SATL1: variants seen among roughly 807,000 people sequenced by gnomAD.
SATL1 encodes the protein spermidine/spermine N(1)-acetyltransferase-like protein 1.
A neutral mutation model predicts 51.8 loss-of-function variants in SATL1; 47 were observed. The observed-to-expected ratio is 0.91, with a 90% CI of 0.72 to 1.16. SATL1 has a LOEUF of 1.16. Ranked by LOEUF, SATL1 falls within the 50% of genes most tolerant of loss-of-function variation. The pLI, the probability that SATL1 is intolerant of heterozygous loss-of-function variation, is 0.00. For synonymous variants in SATL1, 176 were observed against 182.4 expected (o/e 0.97, Z 0.28); for missense variants, 520 against 526.4 (o/e 0.99, Z 0.12).
At chrX:85,129,097 C>T (rs1001912157) in intron 2 of SATL1, among the ~76,000 whole-genome samples, 33 of 111,604 alleles carry the variant, frequency 3.0e-4, no homozygotes, top group African/African-American at 9.8e-4. Context: ...TCCAGCTTTG[C>T]TCTTTTGGCT....
chrX:85,111,876 A>G (rs1339788406), intron 2 of SATL1, among the ~76,000 whole-genome samples: 1 of 111,776 alleles, frequency 8.9e-6, no homozygotes, highest in African/African-American at 3.2e-5. Flanking sequence ...TAAAATCCAG[A>G]CACTTTTAGT....
intron 2 of SATL1, among the ~76,000 whole-genome samples, chrX:85,135,321 G>A (rs180920310): frequency 2.8e-4 from 31 of 110,316 alleles, no homozygotes; most frequent in African/African-American, 6.9e-4. Context: ...CATGTACCCC[G>A]GAACTTAAAA....
At chrX:85,181,999 A>G (rs1472151644) in intron 2 of SATL1, among the ~76,000 whole-genome samples, 1 of 111,682 alleles carries the variant, frequency 9.0e-6, no homozygotes, top group Non-Finnish European at 1.9e-5. Context: ...ATATTTATGG[A>G]GTACACAGTG....
chrX:85,213,279 A>C (rs1158729920), intron 2 of SATL1, among the ~76,000 whole-genome samples: 2 of 111,891 alleles, frequency 1.8e-5, no homozygotes, highest in African/African-American at 6.5e-5. Flanking sequence ...AGTCCACTTA[A>C]ATAATACATT....
intron 2 of SATL1, among the ~76,000 whole-genome samples, chrX:85,176,659 T>C (rs1602891515): frequency 9.0e-6 from 1 of 111,456 alleles, no homozygotes; most frequent in African/African-American, 3.3e-5. Flanking sequence ...TTAGAATATA[T>C]GTACATATTT....
chrX:85,154,021 T>A (rs1183610898), intron 2 of SATL1: 1 of 111,998 alleles, frequency 8.9e-6, no homozygotes, highest in Non-Finnish European at 1.9e-5. Flanking sequence ...ATACAGGTGG[T>A]ATGTTCTCTT....
Position 85,172,754 on chromosome X carries a change from T to TCATA in SATL1, c.-313+51447_-313+51450dup, listed in dbSNP as rs1926999034. 2.9e-5 allele frequency among the ~76,000 whole-genome samples: 3 copies of TCATA among 104,993 alleles called. No homozygotes were observed. In the South Asian group the frequency reaches 1.3e-3, roughly 45 times the overall value. The allele number at this position is 104,993 out of a possible 115,157, so 91.2% of individuals were successfully genotyped here. ...AATATATTGCCTAGATTGTATGACA[T>TCATA]CATAGATAACATGAATCCTAAAAGT... is the stretch of plus-strand genomic sequence containing the variant. On this transcript the variant is annotated intron_variant, in intron 2 of 7. Coordinates refer to ENST00000644105, the MANE Select transcript of SATL1 (RefSeq NM_001367857.2).
chrX:85,154,584 G>A (rs776913168), intron 2 of SATL1, among the ~76,000 whole-genome samples: 2 of 111,918 alleles, frequency 1.8e-5, no homozygotes, highest in South Asian at 7.4e-4. Flanking sequence ...GTCTTGATGA[G>A]ATTACTGAGG....
chrX:85,199,528 T>A (rs758743223), intron 2 of SATL1, among the ~76,000 whole-genome samples: 15 of 111,855 alleles, frequency 1.3e-4, no homozygotes, highest in African/African-American at 4.5e-4. Flanking sequence ...GGAAGCAACA[T>A]AAGTGTCGGT....
chrX:85,158,907 A>T (rs928026544), intron 2 of SATL1, among the ~76,000 whole-genome samples: 2 of 112,089 alleles, frequency 1.8e-5, no homozygotes, highest in Admixed American at 9.5e-5. Context: ...GCTTTAAATT[A>T]TCAAGTTTTT....
intron 2 of SATL1, among the ~76,000 whole-genome samples, chrX:85,186,199 C>A (rs1927312002): frequency 1.9e-5 from 2 of 107,352 alleles, no homozygotes; most frequent in African/African-American, 6.8e-5. Flanking sequence ...ATCCAAGTTG[C>A]AAGACAAAGT....
intron 2 of SATL1, among the ~76,000 whole-genome samples, chrX:85,198,809 C>T (rs1036879609): frequency 1.8e-5 from 2 of 110,168 alleles, no homozygotes; most frequent in African/African-American, 6.6e-5. Flanking sequence ...TGACTATAAT[C>T]ACCCTGTTGT....
At chrX:85,092,846 C>T in intron 7 of SATL1, 1 of 325,997 alleles carries the variant, frequency 3.1e-6, no homozygotes, top group East Asian at 4.5e-5. Context: ...TTCCAAAATA[C>T]AAGAAGATCT....
intron 2 of SATL1, among the ~76,000 whole-genome samples, chrX:85,142,119 G>T (rs186906346): frequency 2.8e-5 from 3 of 107,272 alleles, no homozygotes; most frequent in Non-Finnish European, 5.8e-5. Context: ...AGTAGAGGCC[G>T]GTCACGGTGG....
At chrX:85,184,616 A>T (rs1332881896) in intron 2 of SATL1, among the ~76,000 whole-genome samples, 1 of 111,957 alleles carries the variant, frequency 8.9e-6, no homozygotes, top group East Asian at 2.8e-4. Flanking sequence ...AGAGACTCTG[A>T]TGCATTCTTC....
chrX:85,169,309 G>T (rs1276401559), intron 2 of SATL1, among the ~76,000 whole-genome samples: 1 of 111,218 alleles, frequency 9.0e-6, no homozygotes, highest in Non-Finnish European at 1.9e-5. Context: ...CACAGCAAAA[G>T]AAACTATCAA....
intron 7 of SATL1, 61 bp from the exon 8 acceptor site, chrX:85,092,622 A>C: frequency 9.8e-7 from 1 of 1,021,127 alleles, no homozygotes; most frequent in Non-Finnish European, 1.3e-6. Flanking sequence ...TCGTTAACAC[A>C]TATATTTTAT....
At chrX:85,217,186 T>C (rs1253458697) in intron 2 of SATL1, among the ~76,000 whole-genome samples, 1 of 110,026 alleles carries the variant, frequency 9.1e-6, no homozygotes, top group African/African-American at 3.3e-5. Flanking sequence ...TTGTGATAAG[T>C]ACTACAAAAT....
chrX:85,147,151 G>A (rs1406754624), intron 2 of SATL1, among the ~76,000 whole-genome samples: 1 of 114,692 alleles, frequency 8.7e-6, no homozygotes, highest in African/African-American at 3.2e-5. Context: ...TTAAAAAATG[G>A]CACACCAGGA....
Sources: allele counts gnomAD v4.1 joint callset (sites outside exome capture counted in the v4.1 genomes callset), GRCh38; gene constraint gnomAD v4.1.1; transcripts MANE v1.5; gene names NCBI Gene and HGNC (gene_info 2026-07-23, HGNC 2026-07-21).